Variants in SLC27A1 observed in about 807,000 individuals in gnomAD.
The protein encoded by SLC27A1 is long-chain fatty acid transport protein 1.
A neutral mutation model predicts 62.2 loss-of-function variants in SLC27A1; 61 were observed. That is an observed-to-expected ratio of 0.98 (90% CI 0.80 to 1.21). SLC27A1 has a LOEUF of 1.21. Among genes scored for constraint, SLC27A1 ranks in the 50% most tolerant of loss-of-function variants. The pLI, the probability that SLC27A1 is intolerant of heterozygous loss-of-function variation, is 0.00. For synonymous variants in SLC27A1, 435 were observed against 408.6 expected (o/e 1.06, Z -0.78); for missense variants, 903 against 932.1 (o/e 0.97, Z 0.41).
intron 7 of SLC27A1, 135 bp downstream of exon 7, chr19:17,497,599 G>A: frequency 1.3e-6 from 1 of 782,372 alleles, no homozygotes. Flanking sequence ...CGCAGGGCGG[G>A]GTGTAAGGGG....
chr19:17,504,511 A>T lies in SLC27A1; in HGVS notation c.1840A>T (p.Thr614Ser). ...GCGAGAGGGCTTTGACCCACGCCAG[A>T]CCTCAGACCGGCTCTTCTTCCTGGA... Reference protein sequence around the residue: ...LQREGFDPRQTSDRLFFLDLK... With the variant: ...LQREGFDPRQSSDRLFFLDLK... Residue 614 changes from threonine (T) to serine (S), a missense_variant, in exon 12 of 12, where the codon ACC becomes TCC. By Grantham distance (58) the Thr-to-Ser change is moderately conservative. Coordinates refer to ENST00000252595, the MANE Select transcript of SLC27A1 (RefSeq NM_198580.3). The T allele has an allele frequency of 2.5e-6, 4 of 1,614,098 alleles. No individual in the cohort carries two copies. Among genetic ancestry groups the T allele is most frequent in the Non-Finnish European group, 3.4e-6 (4 of 1,180,020 alleles).
At chr19:17,476,890 T>TG (rs2075128153) in intron 1 of SLC27A1, among the ~76,000 whole-genome samples, 1 of 145,996 alleles carries the variant, frequency 6.8e-6, no homozygotes, top group Non-Finnish European at 1.5e-5. Flanking sequence ...TCTGTTTTTT[T>TG]TTTTTTTTTT....
chr19:17,478,781 C>T (rs543694385), intron 1 of SLC27A1, among the ~76,000 whole-genome samples: 1 of 151,964 alleles, frequency 6.6e-6, no homozygotes, highest in South Asian at 2.1e-4. Flanking sequence ...TGCTTGAGCC[C>T]AGGAGGCAGA....
chr19:17,479,718 G>A (rs532193872), intron 1 of SLC27A1, among the ~76,000 whole-genome samples: 6 of 151,738 alleles, frequency 4.0e-5, no homozygotes, highest in South Asian at 2.1e-4. Flanking sequence ...ATCTAGGCTC[G>A]CTGCAACCTC....
intron 6 of SLC27A1, among the ~76,000 whole-genome samples, chr19:17,493,438 A>C (rs2075316170): frequency 6.6e-6 from 1 of 151,398 alleles, no homozygotes. Flanking sequence ...AAAAAAAAAA[A>C]AAAAAAAAAA....
Position 17,500,391 on chromosome 19 carries a change from C to G in SLC27A1, c.1320C>G (p.Ile440Met). 6.2e-7 allele frequency: 1 copy of G among 1,613,942 alleles called. No individual in the cohort carries two copies. Among genetic ancestry groups the G allele is most frequent in the South Asian group, 1.1e-5 (1 of 91,080 alleles). ...ELLRDAQGLC[I>M]PCQAGEPGLL... ...TGCGGGATGCCCAGGGCCTCTGCAT[C>G]CCCTGCCAGGCCGGTGAGCAGGGCC... The change falls in exon 8 of 12, where the codon ATC (isoleucine) becomes ATG (methionine). Residue 440 changes from isoleucine (I) to methionine (M), a missense_variant. Physicochemically the swap from Ile to Met is conservative, Grantham distance 10. Coordinates refer to ENST00000252595, the MANE Select transcript of SLC27A1 (RefSeq NM_198580.3).
At position 17,487,449 on chromosome 19, in the gene SLC27A1, A is replaced by G. The variant is rs779369561; in HGVS notation, c.725-11A>G. 21 of 1,557,214 alleles carry G rather than the reference A, an allele frequency of 1.3e-5. No individual in the cohort carries two copies. In the East Asian group the frequency reaches 2.7e-4, roughly 20 times the overall value. On this transcript the variant is annotated splice_polypyrimidine_tract_variant and intron_variant, in intron 3 of 11. Coordinates refer to ENST00000252595, the MANE Select transcript of SLC27A1 (RefSeq NM_198580.3). ...CTCAGGCCCCACCCCTAACACCTGT[A>G]TCTCCTGCAGATCGTCTTTTCTACA...
chr19:17,472,422 A>G (rs2075085872), intron 1 of SLC27A1, among the ~76,000 whole-genome samples: 1 of 151,814 alleles, frequency 6.6e-6, no homozygotes. Context: ...TAGAATTAGA[A>G]TTGAGGCCAT....
intron 1 of SLC27A1, among the ~76,000 whole-genome samples, chr19:17,474,255 C>G (rs1015570999): frequency 3.5e-4 from 54 of 152,174 alleles, no homozygotes; most frequent in African/African-American, 1.2e-3. Context: ...GTTTTCTTGC[C>G]TTTTAATCTT....
At position 17,489,052 on chromosome 19, in the gene SLC27A1, G is replaced by A. The variant is rs776425899; in HGVS notation, c.931G>A (p.Val311Ile). The A allele has an allele frequency of 6.2e-7, 1 of 1,614,038 alleles. No homozygotes were observed. Among genetic ancestry groups the A allele is most frequent in the African/African-American group, 1.3e-5 (1 of 74,902 alleles). Residue 311 changes from valine to isoleucine, a missense_variant, in exon 6 of 12, where the codon GTC (valine) becomes ATC (isoleucine). Physicochemically the swap from Val to Ile is conservative, Grantham distance 29. Coordinates refer to ENST00000252595, the MANE Select transcript of SLC27A1 (RefSeq NM_198580.3). ...GCAGTGTCTCATCTATGGGCTGACA[G>A]TCGTCCTCCGCAAGAAATTCTCGGC... ...VGQCLIYGLT[V>I]VLRKKFSASR...
At position 17,477,240 on chromosome 19, in the gene SLC27A1, C is replaced by CTTTTT. The variant is rs1221324202; in HGVS notation, c.167+6553_167+6557dup. Among the ~76,000 whole-genome samples, 64 of 43,812 alleles carry CTTTTT rather than the reference C, an allele frequency of 1.5e-3. 14 individuals carry two copies. Among genetic ancestry groups the CTTTTT allele is most frequent in the African/African-American group, 2.1e-3 (23 of 10,878 alleles). 28.7% of individuals were successfully genotyped at this position (43,812 alleles called of 152,430 possible). ...TTATTGGTTGAATGGATGAGCAGCG[C>CTTTTT]TTTTTTTTTTTTTTTTTTTTTTTTG... On this transcript the variant is annotated intron_variant, in intron 1 of 11. Coordinates refer to ENST00000252595, the MANE Select transcript of SLC27A1 (RefSeq NM_198580.3).
At chr19:17,479,159 A>G (rs1363024233) in intron 1 of SLC27A1, among the ~76,000 whole-genome samples, 1 of 152,128 alleles carries the variant, frequency 6.6e-6, no homozygotes, top group Non-Finnish European at 1.5e-5. Context: ...GAATCCTAGT[A>G]CTTTGGGAGG....
chr19:17,497,204 C>T, intron 6 of SLC27A1, 51 bp from the exon 7 acceptor site: 7 of 1,500,946 alleles, frequency 4.7e-6, no homozygotes, highest in Non-Finnish European at 5.4e-6. Flanking sequence ...CTGATCCGGG[C>T]TCCCCACCGC....
chr19:17,493,712 T>C (rs891537012), intron 6 of SLC27A1, among the ~76,000 whole-genome samples: 13 of 151,192 alleles, frequency 8.6e-5, no homozygotes, highest in Non-Finnish European at 1.5e-4. Flanking sequence ...GCAACCTCCT[T>C]CTCCTGGGTT....
chr19:17,480,541 CTTTTTTT>C (rs3079223), intron 1 of SLC27A1, among the ~76,000 whole-genome samples: 15 of 111,776 alleles, frequency 1.3e-4, no homozygotes, highest in Non-Finnish European at 2.1e-4. Context: ...TAATTTTTTT[CTTTTTTT>C]TTTTTTTTTT....
chr19:17,491,068 A>AT (rs1242208822), intron 6 of SLC27A1: 1 of 149,624 alleles, frequency 6.7e-6, no homozygotes, highest in Non-Finnish European at 1.5e-5. Flanking sequence ...GGGCATGATG[A>AT]TACACACCTG....
Position 17,500,872 on chromosome 19 carries a change from T to A in SLC27A1, c.1632T>A (p.Val544=). The A allele has an allele frequency of 6.2e-7, 1 of 1,606,076 alleles. No homozygotes were observed. The highest frequency in any genetic ancestry group is 8.5e-7 in the Non-Finnish European group (1 of 1,177,446). The change falls in exon 10 of 12, where the codon GTT becomes GTA. Residue 544 remains valine, a synonymous_variant. Coordinates refer to ENST00000252595, the MANE Select transcript of SLC27A1 (RefSeq NM_198580.3). ...QTDVAVYGVA[V]PGVEGKAGMA... is the part of the protein sequence containing the mutation. ...ACGTGGCCGTCTATGGGGTGGCTGT[T>A]CCAGGCAAGCTGGGGTTGCAGGGGG...
At chr19:17,498,378 GA>G (rs967842924) in intron 7 of SLC27A1, 160 of 145,196 alleles carry the variant, frequency 1.1e-3, no homozygotes, top group Non-Finnish European at 1.2e-3. Flanking sequence ...CTCTAAAAAG[GA>G]AAAAAAAAAA....
In SLC27A1 at chr19:17,487,243, AG is replaced by A. The variant is rs755699434; in HGVS notation, c.635del (p.Gly212AlafsTer13). The A allele has an allele frequency of 1.1e-5, 17 of 1,613,864 alleles. No individual in the cohort carries two copies. The highest frequency in any genetic ancestry group is 1.7e-5 in the Admixed American group (1 of 59,976). ...TTCTGCTCTGGAGACTTGGGGCCCG[AG>A]GGCATCTTGCCGGACACCCACCTCC... Reference protein sequence around the residue: ...IKFCSGDLGPEGILPDTHLLD... With the variant: ...IKFCSGDLGPXGILPDTHLLD... On this transcript the variant is annotated frameshift_variant, in exon 3 of 12. Coordinates refer to ENST00000252595, the MANE Select transcript of SLC27A1 (RefSeq NM_198580.3). LOFTEE classifies it high-confidence loss of function.
Sources: gnomAD v4.1 joint callset for allele counts (sites outside exome capture counted in the v4.1 genomes callset) on GRCh38, gnomAD v4.1.1 for gene constraint, MANE v1.5 for transcripts, NCBI Gene and HGNC (gene_info 2026-07-23, HGNC 2026-07-21) for gene names.